MAP3K19: variants seen among roughly 807,000 people sequenced by gnomAD.
MAP3K19 encodes the protein SPS1/STE20-related protein kinase YSK4.
MAP3K19 carries 91 observed loss-of-function variants against 114.4 expected under a neutral mutation model. The observed-to-expected ratio is 0.80, with a 90% CI of 0.67 to 0.95. The LOEUF (loss-of-function observed/expected upper bound fraction) is 0.95. Ranked by LOEUF, MAP3K19 falls within the 40% of genes least tolerant of loss-of-function variation. The pLI is 0.00. For missense variants in MAP3K19, 1,471 were observed against 1,573.2 expected (o/e 0.94, Z 1.10); for synonymous variants, 518 against 530.5 (o/e 0.98, Z 0.32).
chr2:134,966,210 G>A (rs565970756), intron 12 of MAP3K19, among the ~76,000 whole-genome samples: 1 of 152,268 alleles, frequency 6.6e-6, no homozygotes, highest in Non-Finnish European at 1.5e-5. Context: ...GTATCCCTTA[G>A]AGATAATGAT....
intron 4 of MAP3K19, among the ~76,000 whole-genome samples, chr2:135,024,248 A>T (rs544309124): frequency 6.6e-6 from 1 of 152,322 alleles, no homozygotes; most frequent in South Asian, 2.1e-4. Flanking sequence ...CACACTTTTC[A>T]TTATACTTCT....
At chr2:134,989,806 G>T (rs1200385332) in intron 9 of MAP3K19, among the ~76,000 whole-genome samples, 2 of 152,140 alleles carry the variant, frequency 1.3e-5, no homozygotes, top group African/African-American at 4.8e-5. Context: ...GTCTGGCCAG[G>T]TGTGGTGGCT....
chr2:134,969,927 G>A (rs1005153038), intron 12 of MAP3K19, among the ~76,000 whole-genome samples: 1 of 152,028 alleles, frequency 6.6e-6, no homozygotes, highest in African/African-American at 2.4e-5. Context: ...TTTACATATG[G>A]GGACTTATTT....
At chr2:134,968,162 G>A (rs1280668564) in intron 12 of MAP3K19, among the ~76,000 whole-genome samples, 1 of 152,130 alleles carries the variant, frequency 6.6e-6, no homozygotes, top group Non-Finnish European at 1.5e-5. Context: ...GTTTCAGAGA[G>A]CACAGGGTTG....
chr2:135,037,455 T>A (rs1471730478), intron 2 of MAP3K19, among the ~76,000 whole-genome samples: 1 of 152,182 alleles, frequency 6.6e-6, no homozygotes, highest in Non-Finnish European at 1.5e-5. Context: ...GACAAATTGA[T>A]GAATTTGGTC....
chr2:135,015,806 T>C (rs1687548689), intron 5 of MAP3K19, among the ~76,000 whole-genome samples: 1 of 150,954 alleles, frequency 6.6e-6, no homozygotes, highest in Non-Finnish European at 1.5e-5. Flanking sequence ...GGCAGGAGAA[T>C]CCCTTGAACC....
chr2:135,033,554 G>T (rs1454635186), intron 2 of MAP3K19, among the ~76,000 whole-genome samples: 1 of 970 alleles, frequency 1.0e-3, no homozygotes, highest in Non-Finnish European at 2.7e-3. Context: ...CTCCCGGACG[G>T]GGCGGCTGGC....
intron 10 of MAP3K19, among the ~76,000 whole-genome samples, chr2:134,984,889 T>C (rs1222618396): frequency 6.6e-6 from 1 of 152,118 alleles, no homozygotes; most frequent in Admixed American, 6.5e-5. Context: ...GAGGTGGAGT[T>C]TGCAGCAAGC....
intron 8 of MAP3K19, among the ~76,000 whole-genome samples, chr2:134,997,292 G>A (rs908700901): frequency 1.3e-5 from 2 of 152,144 alleles, no homozygotes; most frequent in African/African-American, 4.8e-5. Context: ...AGTCAAATTC[G>A]TATTGAGACA....
At chr2:134,992,184 C>T (rs1010483584) in intron 8 of MAP3K19, among the ~76,000 whole-genome samples, 1 of 152,158 alleles carries the variant, frequency 6.6e-6, no homozygotes, top group African/African-American at 2.4e-5. Flanking sequence ...GCGTTTCTGA[C>T]ATTCAGTCAT....
chr2:135,001,057 C>T (rs923270324), intron 6 of MAP3K19, among the ~76,000 whole-genome samples: 1 of 151,570 alleles, frequency 6.6e-6, no homozygotes, highest in African/African-American at 2.4e-5. Context: ...TACATAGGAA[C>T]TACCATAGTG....
At chr2:135,030,868 A>G (rs1669880785) in intron 2 of MAP3K19, among the ~76,000 whole-genome samples, 1 of 152,314 alleles carries the variant, frequency 6.6e-6, no homozygotes, top group Non-Finnish European at 1.5e-5. Flanking sequence ...GCCATCATGC[A>G]CTATAATCCT....
chr2:134,980,626 C>T lies in MAP3K19; in HGVS notation c.3920+195G>A. On this transcript the variant is annotated intron_variant, in intron 12 of 12. Coordinates refer to ENST00000392915, the MANE Select transcript of MAP3K19 (RefSeq NM_025052.5). ...GAGGCACTTTCTACTTGAAGCATTG[C>T]CTCCTATACCCTGATACAACAATGA... The T allele has an allele frequency of 5.3e-6, 3 of 567,752 alleles. No homozygotes were observed. In the Admixed American group the frequency reaches 9.2e-5, roughly 17 times the overall value. 35.2% of individuals were successfully genotyped at this position (567,752 alleles called of 1,614,324 possible).
chr2:135,024,814 G>A, intron 3 of MAP3K19, 73 bp from the exon 4 acceptor site: 3 of 582,748 alleles, frequency 5.1e-6, no homozygotes, highest in Non-Finnish European at 3.0e-6. Context: ...ATATGAGAGG[G>A]AAACATTTAC....
intron 2 of MAP3K19, among the ~76,000 whole-genome samples, chr2:135,034,589 C>T (rs1045152505): frequency 3.4e-4 from 45 of 132,552 alleles, no homozygotes; most frequent in African/African-American, 1.2e-3. Context: ...GCGGATCACT[C>T]GCGGTTAGGA....
intron 5 of MAP3K19, among the ~76,000 whole-genome samples, chr2:135,008,009 C>G (rs78369381): frequency 0.042 from 6,363 of 152,130 alleles, 158 homozygotes; most frequent in African/African-American, 0.056. Flanking sequence ...ATTTTTGTAT[C>G]TGGCTTTTTC....
At chr2:135,011,592 C>T (rs1009491321) in intron 5 of MAP3K19, among the ~76,000 whole-genome samples, 1 of 151,388 alleles carries the variant, frequency 6.6e-6, no homozygotes, top group African/African-American at 2.4e-5. Flanking sequence ...TGATCAGGCA[C>T]GGTGGCTCAC....
intron 12 of MAP3K19, among the ~76,000 whole-genome samples, chr2:134,977,173 C>T (rs991863005): frequency 6.7e-6 from 1 of 150,240 alleles, no homozygotes; most frequent in Non-Finnish European, 1.5e-5. Flanking sequence ...GCTACCACCG[C>T]TCCCCCACCC....
chr2:135,043,725 C>A (rs1445430476), intron 1 of MAP3K19, among the ~76,000 whole-genome samples: 2 of 152,158 alleles, frequency 1.3e-5, no homozygotes, highest in African/African-American at 4.8e-5. Context: ...AGAATAGTTC[C>A]ATGGCCCTAA....
Sources: gnomAD v4.1 joint callset for allele counts (sites outside exome capture counted in the v4.1 genomes callset) on GRCh38, gnomAD v4.1.1 for gene constraint, MANE v1.5 for transcripts, NCBI Gene and HGNC (gene_info 2026-07-23, HGNC 2026-07-21) for gene names.